The following PRMT2 variants were observed in gnomAD, a reference collection of about 807,000 sequenced individuals.
The protein encoded by PRMT2 is protein arginine N-methyltransferase 2.
In PRMT2, 26 loss-of-function variants were observed where a neutral mutation model predicts 57.6. The ratio of observed to expected loss-of-function variants is 0.45; its 90% CI spans 0.33 to 0.63. The LOEUF (loss-of-function observed/expected upper bound fraction) is 0.63, where lower values mean the gene tolerates loss of function less well. PRMT2 is among the 20% of genes least tolerant of loss of function. The probability of loss-of-function intolerance (pLI) is 0.02; values close to 1 mark genes in which losing one functional copy is unlikely to be tolerated. For missense variants in PRMT2, 472 were observed against 564.4 expected (o/e 0.84, Z 1.66); for synonymous variants, 219 against 220.0 (o/e 1.00, Z 0.04).
chr21:46,640,311 A>G (rs907639418), intron 3 of PRMT2, among the ~76,000 whole-genome samples: 30 of 151,698 alleles, frequency 2.0e-4, no homozygotes, highest in African/African-American at 7.3e-4. Flanking sequence ...GCCTTTTTTG[A>G]GGTCTTTCCC....
intron 7 of PRMT2, among the ~76,000 whole-genome samples, chr21:46,650,541 T>C (rs773925157): frequency 2.1e-4 from 32 of 152,300 alleles, no homozygotes; most frequent in Admixed American, 3.3e-4. Context: ...ACTTGGCTTA[T>C]TAATAACATC....
At chr21:46,662,094 A>T (rs2061637428) in intron 10 of PRMT2, among the ~76,000 whole-genome samples, 158 bp downstream of exon 10, 1 of 148,112 alleles carries the variant, frequency 6.8e-6, no homozygotes, top group Non-Finnish European at 1.5e-5. Context: ...GGCGGCGCGC[A>T]TGGGGGCACG....
chr21:46,638,444 A>G (rs1323173949), intron 3 of PRMT2, among the ~76,000 whole-genome samples: 1 of 152,182 alleles, frequency 6.6e-6, no homozygotes, highest in Non-Finnish European at 1.5e-5. Flanking sequence ...TCTATTTCAA[A>G]CAATGCTGTA....
At chr21:46,656,002 T>G (rs1186204866) in intron 7 of PRMT2, among the ~76,000 whole-genome samples, 1 of 152,190 alleles carries the variant, frequency 6.6e-6, no homozygotes, top group African/African-American at 2.4e-5. Context: ...AATCTCATGT[T>G]GAAATTTGAT....
chr21:46,638,807 A>T (rs185999182), intron 3 of PRMT2, among the ~76,000 whole-genome samples: 2 of 152,230 alleles, frequency 1.3e-5, no homozygotes, highest in Admixed American at 1.3e-4. Flanking sequence ...ACACTTGATC[A>T]ATCTTTTCTT....
At position 46,649,268 on chromosome 21, in the gene PRMT2, CTGGTCA is replaced by C. The variant is rs1366264533; in HGVS notation, c.490-303_490-298del. Among the ~76,000 whole-genome samples, 3 of 152,314 alleles carry C rather than the reference CTGGTCA, an allele frequency of 2.0e-5. No homozygotes were observed. The East Asian group carries it at 5.8e-4, about 29-fold the overall frequency. The stretch of plus-strand genomic sequence containing the variant: ...ACTTGGGTGCTAAGAAGTTGCTGTG[CTGGTCA>C]TGGATTAAGATTGCTGTGCGTGTGG... On this transcript the variant is annotated intron_variant, in intron 6 of 11. Transcript: ENST00000355680. This position sits in a 1 kb window ranked among gnomAD's most constrained non-coding sequence, Gnocchi z 4.8.
At chr21:46,652,167 A>G (rs2061469693) in intron 7 of PRMT2, 1 of 1,431,032 alleles carries the variant, frequency 7.0e-7, no homozygotes, top group African/African-American at 1.4e-5. Flanking sequence ...ACCATCTGCT[A>G]AAATAAACCT....
chr21:46,659,522 C>T (rs571517203), intron 8 of PRMT2: 4 of 967,244 alleles, frequency 4.1e-6, no homozygotes, highest in East Asian at 2.3e-4. Context: ...AGGCAAACCG[C>T]AAAAAATAAA....
At chr21:46,652,656 C>A (rs978717195) in intron 7 of PRMT2, 2 of 985,044 alleles carry the variant, frequency 2.0e-6, no homozygotes, top group Admixed American at 6.1e-5. Context: ...ATTGGTAAAG[C>A]CTTTTGAAGG....
rs184078432 is a variant in PRMT2, at chr21:46,662,317, G to C, written c.1097+381G>C. The stretch of plus-strand genomic sequence containing the variant: ...GTTTTTGGAGGTGCCTGTTTTTTGG[G>C]ACACATTTCCCCGCCAGCACCCTGG... On this transcript the variant is annotated intron_variant, in intron 10 of 11. Coordinates refer to ENST00000355680, the MANE Select transcript of PRMT2 (RefSeq NM_206962.4). Among the ~76,000 whole-genome samples, 463 of 152,304 alleles carry C rather than the reference G, an allele frequency of 3.0e-3. 11 individuals are homozygous for C. The highest frequency in any genetic ancestry group is 4.6e-4 in the Non-Finnish European group (31 of 68,020).
intron 10 of PRMT2, among the ~76,000 whole-genome samples, 183 bp downstream of exon 10, chr21:46,662,119 C>T (rs981826575): frequency 3.3e-5 from 5 of 151,870 alleles, no homozygotes; most frequent in African/African-American, 1.2e-4. Flanking sequence ...GTGTAGACAC[C>T]GCAGCCTGTG....
intron 8 of PRMT2, among the ~76,000 whole-genome samples, chr21:46,660,432 C>T (rs1038735554): frequency 3.3e-5 from 5 of 152,202 alleles, no homozygotes; most frequent in Non-Finnish European, 5.9e-5. Context: ...AGAAGATCCA[C>T]AAAAGATTTT....
At chr21:46,655,924 T>C (rs189811007) in intron 7 of PRMT2, among the ~76,000 whole-genome samples, 29 of 152,318 alleles carry the variant, frequency 1.9e-4, no homozygotes, top group Non-Finnish European at 3.8e-4. Flanking sequence ...GATTTGTTCT[T>C]ATAGATAAGC....
At chr21:46,643,280 G>A (rs2061309366) in intron 3 of PRMT2, 1 of 469,378 alleles carries the variant, frequency 2.1e-6, no homozygotes, top group Non-Finnish European at 3.0e-6. Context: ...ATAGACACTA[G>A]TGGTGCCTGT....
chr21:46,660,141 G>A, intron 8 of PRMT2: 1 of 975,398 alleles, frequency 1.0e-6, no homozygotes, highest in Non-Finnish European at 1.2e-6. Flanking sequence ...ACTTTTATTT[G>A]CTATTTCAGA....
At chr21:46,651,941 C>G (rs780704092) in intron 7 of PRMT2, 1 of 1,613,326 alleles carries the variant, frequency 6.2e-7, no homozygotes. Flanking sequence ...TGCCTGCTGT[C>G]TGCCTGTTCT....
Position 46,648,388 on chromosome 21 carries a change from T to G in PRMT2, c.328-70T>G. Reference sequence around the variant, plus strand: ...GGGTCATCAGCTGTGGCTCTGACCCTCCATCTCAGTCCAGACCTCAGCATG... The same window carrying G: ...GGGTCATCAGCTGTGGCTCTGACCCGCCATCTCAGTCCAGACCTCAGCATG... On this transcript the variant is annotated intron_variant, in intron 5 of 11. Coordinates refer to ENST00000355680, the MANE Select transcript of PRMT2 (RefSeq NM_206962.4). This position sits in a 1 kb window ranked among gnomAD's most constrained non-coding sequence, Gnocchi z 4.8. The G allele has an allele frequency of 6.4e-7, 1 of 1,552,988 alleles. No homozygotes were observed. The highest frequency in any genetic ancestry group is 8.8e-7 in the Non-Finnish European group (1 of 1,136,780).
At position 46,648,670 on chromosome 21, in the gene PRMT2, G is replaced by A. The variant is rs1601932533; in HGVS notation, c.489+51G>A. 1.3e-6 allele frequency: 2 copies of A among 1,592,886 alleles called. No homozygotes were observed. The highest frequency in any genetic ancestry group is 1.3e-5 in the African/African-American group (1 of 74,762). On this transcript the variant is annotated intron_variant, in intron 6 of 11. Coordinates refer to ENST00000355680, the MANE Select transcript of PRMT2 (RefSeq NM_206962.4). This position sits in a 1 kb window ranked among gnomAD's most constrained non-coding sequence, Gnocchi z 4.8. ...GGGTGTTTGTGCCGAGGCTGGTGAC[G>A]TCCGAGGTGGCCTCTGAGTGTGCTG...
At chr21:46,653,521 G>A (rs1321633794) in intron 7 of PRMT2, 6 of 1,007,678 alleles carry the variant, frequency 6.0e-6, no homozygotes, top group East Asian at 2.2e-4. Flanking sequence ...ACTGAAGGAC[G>A]ATCTACACAG....
Sources: allele counts gnomAD v4.1 joint callset (sites outside exome capture counted in the v4.1 genomes callset), GRCh38; gene constraint gnomAD v4.1.1; non-coding constraint Gnocchi (gnomAD v3.1); transcripts MANE v1.5; gene names NCBI Gene and HGNC (gene_info 2026-07-23, HGNC 2026-07-21).